The following KSR2 variants were observed in gnomAD, a reference collection of about 807,000 sequenced individuals.
KSR2 encodes kinase suppressor of ras 2.
KSR2 carries 25 observed loss-of-function variants against 107.8 expected under a neutral mutation model. The observed-to-expected ratio is 0.23, with a 90% CI of 0.17 to 0.32. The LOEUF is 0.32. Among genes scored for constraint, KSR2 ranks in the 10% least tolerant of loss-of-function variants. KSR2 has a pLI of 1.00. For synonymous variants in KSR2, 480 were observed against 507.0 expected, an observed-to-expected ratio of 0.95 and a Z score of 0.71; for missense variants, 887 against 1,268.9, an observed-to-expected ratio of 0.70 and a Z score of 4.57.
At chr12:117,675,477 C>G (rs915438739) in intron 4 of KSR2, among the ~76,000 whole-genome samples, 1 of 152,226 alleles carries the variant, frequency 6.6e-6, no homozygotes, top group African/African-American at 2.4e-5. Context: ...CTGACAATTT[C>G]TTTTGTCAGC....
intron 1 of KSR2, among the ~76,000 whole-genome samples, chr12:117,945,173 T>C (rs12367617): frequency 0.39 from 58,701 of 151,680 alleles, 11,687 homozygotes; most frequent in African/African-American, 0.46. Flanking sequence ...AGAGAGAAAA[T>C]CAGCAAGGAT....
chr12:117,848,613 G>A (rs1212359545), intron 3 of KSR2, among the ~76,000 whole-genome samples: 1 of 152,224 alleles, frequency 6.6e-6, no homozygotes, highest in African/African-American at 2.4e-5. Flanking sequence ...AGAGGGAAGG[G>A]AAACAAAGAA....
chr12:117,520,417 G>A (rs562554908), intron 14 of KSR2, among the ~76,000 whole-genome samples: 9 of 152,256 alleles, frequency 5.9e-5, no homozygotes, highest in East Asian at 1.9e-4. Flanking sequence ...GCTCAGCCAC[G>A]CCACCTAGCA....
At chr12:117,492,212 A>G (rs1379791399) in intron 14 of KSR2, among the ~76,000 whole-genome samples, 1 of 152,198 alleles carries the variant, frequency 6.6e-6, no homozygotes, top group Non-Finnish European at 1.5e-5. Context: ...TTTGGCTAAG[A>G]TGGCACTGTG....
intron 13 of KSR2, 89 bp from the exon 14 acceptor site, chr12:117,525,308 A>AC: frequency 7.2e-7 from 1 of 1,395,610 alleles, no homozygotes; most frequent in Non-Finnish European, 9.6e-7. Flanking sequence ...GCACATGCGT[A>AC]GGTCTGGGCA....
At chr12:117,757,054 CAA>C (rs58452409) in intron 4 of KSR2, among the ~76,000 whole-genome samples, 18 of 137,478 alleles carry the variant, frequency 1.3e-4, no homozygotes, top group East Asian at 4.3e-4. Flanking sequence ...GACTCCATCT[CAA>C]AAAAAAAAAA....
chr12:117,805,202 A>T (rs887371766), intron 3 of KSR2, among the ~76,000 whole-genome samples: 3 of 152,178 alleles, frequency 2.0e-5, no homozygotes, highest in Non-Finnish European at 4.4e-5. Flanking sequence ...ATTTGGGAGA[A>T]CTTCTTGTTA....
intron 14 of KSR2, among the ~76,000 whole-genome samples, chr12:117,506,427 T>C (rs748405445): frequency 1.3e-5 from 2 of 152,224 alleles, no homozygotes; most frequent in Non-Finnish European, 2.9e-5. Flanking sequence ...AACATTGATA[T>C]ATTTTTTTCC....
intron 1 of KSR2, chr12:117,889,451 G>A (rs1392570072): frequency 6.6e-6 from 1 of 152,072 alleles, no homozygotes; most frequent in South Asian, 2.1e-4. Context: ...AGCTCTTGGG[G>A]GAAAATTAAC....
At chr12:117,515,629 T>A (rs1874320407) in intron 14 of KSR2, among the ~76,000 whole-genome samples, 1 of 152,054 alleles carries the variant, frequency 6.6e-6, no homozygotes, top group Non-Finnish European at 1.5e-5. Flanking sequence ...AGCACCTTGA[T>A]GAAAATAAAA....
chr12:117,742,185 A>C (rs1184702805), intron 4 of KSR2, among the ~76,000 whole-genome samples: 1 of 152,226 alleles, frequency 6.6e-6, no homozygotes, highest in African/African-American at 2.4e-5. Flanking sequence ...CTACAGGAGA[A>C]AGCAAGTCCC....
At chr12:117,757,532 G>C (rs1480781561) in intron 4 of KSR2, among the ~76,000 whole-genome samples, 3 of 152,218 alleles carry the variant, frequency 2.0e-5, no homozygotes, top group Admixed American at 6.5e-5. Flanking sequence ...GGCATCACAT[G>C]CTACAGAGAA....
At position 117,815,990 on chromosome 12, in the gene KSR2, AGTGTGTGTGTGTGTGTGTGTGTGTGT is replaced by A. The variant is rs35013081; in HGVS notation, c.472+39412_472+39437del. Among the ~76,000 whole-genome samples, 6 of 113,586 alleles carry A rather than the reference AGTGTGTGTGTGTGTGTGTGTGTGTGT, an allele frequency of 5.3e-5. No individual in the cohort carries two copies. The East Asian group carries it at 9.9e-4, about 19-fold the overall frequency. 74.5% of individuals were successfully genotyped at this position (113,586 alleles called of 152,430 possible). On this transcript the variant is annotated intron_variant, in intron 3 of 19. Coordinates refer to ENST00000339824, the MANE Select transcript of KSR2 (RefSeq NM_173598.6). ...ACTCTGTCTCAAAAAAAAAAAATAA[AGTGTGTGTGTGTGTGTGTGTGTGTGT>A]GTGTGTGTGTGTGTGTGTGTGTGTT...
intron 3 of KSR2, among the ~76,000 whole-genome samples, chr12:117,768,782 C>A (rs773710447): frequency 6.2e-4 from 95 of 152,164 alleles, no homozygotes; most frequent in African/African-American, 2.1e-3. Context: ...TATAGACCCA[C>A]GGAACAATCC....
chr12:117,768,075 GC>G (rs990487100), intron 3 of KSR2, among the ~76,000 whole-genome samples: 2 of 152,192 alleles, frequency 1.3e-5, no homozygotes, highest in Non-Finnish European at 2.9e-5. Flanking sequence ...CCGTGGTCAT[GC>G]CAGGAGAGGA....
chr12:117,904,635 C>G (rs1894786105), intron 1 of KSR2, among the ~76,000 whole-genome samples: 1 of 152,150 alleles, frequency 6.6e-6, no homozygotes, highest in African/African-American at 2.4e-5. Context: ...CAATTCTCCC[C>G]ATCACCCTGG....
At chr12:117,963,774 G>A (rs1206567388) in intron 1 of KSR2, among the ~76,000 whole-genome samples, 2 of 152,120 alleles carry the variant, frequency 1.3e-5, no homozygotes, top group African/African-American at 2.4e-5. Flanking sequence ...CAGGCTACCA[G>A]GTACCCTCCA....
intron 4 of KSR2, among the ~76,000 whole-genome samples, chr12:117,714,639 C>T (rs1460302451): frequency 6.6e-6 from 1 of 152,210 alleles, no homozygotes; most frequent in Non-Finnish European, 1.5e-5. Flanking sequence ...TGAATCCAGT[C>T]TCTCTGCTTC....
intron 10 of KSR2, among the ~76,000 whole-genome samples, chr12:117,535,222 A>T (rs1459621687): frequency 6.6e-6 from 1 of 152,150 alleles, no homozygotes; most frequent in Non-Finnish European, 1.5e-5. Flanking sequence ...GAAGAGAAAA[A>T]ACTGCAGCCC....
Sources: gnomAD v4.1 joint callset for allele counts (sites outside exome capture counted in the v4.1 genomes callset) on GRCh38, gnomAD v4.1.1 for gene constraint, MANE v1.5 for transcripts, NCBI Gene and HGNC (gene_info 2026-07-23, HGNC 2026-07-21) for gene names.